UGT1A8: variants seen among roughly 807,000 people sequenced by gnomAD.
The protein encoded by UGT1A8 is UDP glucuronosyltransferase family 1 member A8.
Under a neutral mutation model 45.3 loss-of-function variants are expected in UGT1A8, and 39 were observed. The ratio of observed to expected loss-of-function variants is 0.86; its 90% confidence interval spans 0.67 to 1.12. UGT1A8 has a LOEUF of 1.12. Among genes scored for constraint, UGT1A8 ranks in the 50% most tolerant of loss-of-function variants. The probability of loss-of-function intolerance (pLI) is 0.00; values close to 1 mark genes in which losing one functional copy is unlikely to be tolerated. For synonymous variants in UGT1A8, 275 were observed against 249.2 expected, an observed-to-expected ratio of 1.10 and a Z score of -0.97; for missense variants, 719 against 664.9, an observed-to-expected ratio of 1.08 and a Z score of -0.90.
chr2:233,641,448 C>T (rs1207335018), intron 1 of UGT1A8, among the ~76,000 whole-genome samples: 1 of 152,140 alleles, frequency 6.6e-6, no homozygotes, highest in African/African-American at 2.4e-5. Flanking sequence ...TCATTTATAT[C>T]TTGTTGTACT....
At chr2:233,688,574 C>G (rs978724420) in intron 1 of UGT1A8, among the ~76,000 whole-genome samples, 1 of 152,144 alleles carries the variant, frequency 6.6e-6, no homozygotes, top group Non-Finnish European at 1.5e-5. Context: ...AACATGAGTT[C>G]ATCTTGTTTT....
At position 233,759,547 on chromosome 2, in the gene UGT1A8, A is replaced by G. The variant is rs1173613989; in HGVS notation, c.856-7487A>G. On this transcript the variant is annotated intron_variant, in intron 1 of 4. Transcript: ENST00000373450. ...GAAGACTTCTGTTCACATGCGCTCC[A>G]GTGAATTTCCCTTTCTGGTCATTCT... Among the ~76,000 whole-genome samples the G allele has an allele frequency of 8.5e-5, 13 of 152,244 alleles. No individual in the cohort carries two copies. The East Asian group carries it at 2.5e-3, about 29-fold the overall frequency.
chr2:233,712,916 G>C, intron 1 of UGT1A8: 2 of 1,611,516 alleles, frequency 1.2e-6, no homozygotes, highest in South Asian at 2.2e-5. Context: ...CAGTGACAAG[G>C]TAATTAAGAC....
chr2:233,766,415 C>T (rs1416459239), intron 1 of UGT1A8, among the ~76,000 whole-genome samples: 1 of 152,164 alleles, frequency 6.6e-6, no homozygotes, highest in Admixed American at 6.5e-5. Context: ...CTGATGTGCT[C>T]CTCCCGATGT....
chr2:233,728,928 C>T (rs545859432), intron 1 of UGT1A8, among the ~76,000 whole-genome samples: 7 of 152,102 alleles, frequency 4.6e-5, no homozygotes, highest in African/African-American at 7.2e-5. Context: ...TAGTCATGAT[C>T]GGTCTTTTCC....
chr2:233,635,814 T>A (rs2073277116), intron 1 of UGT1A8, among the ~76,000 whole-genome samples: 2 of 150,912 alleles, frequency 1.3e-5, no homozygotes, highest in Non-Finnish European at 2.9e-5. Flanking sequence ...CAGCAGAGTG[T>A]TCGCACAAGG....
chr2:233,758,598 G>T (rs1696919862), intron 1 of UGT1A8, among the ~76,000 whole-genome samples: 1 of 152,158 alleles, frequency 6.6e-6, no homozygotes, highest in Admixed American at 6.5e-5. Flanking sequence ...GTGGGGAGGA[G>T]CTTCAGTGTG....
intron 1 of UGT1A8, chr2:233,756,022 T>C (rs1696092015): frequency 6.6e-6 from 1 of 152,142 alleles, no homozygotes; most frequent in Non-Finnish European, 1.5e-5. Context: ...ATATTACACA[T>C]CCCCCATGTA....
At chr2:233,676,157 A>G (rs1030700811) in intron 1 of UGT1A8, among the ~76,000 whole-genome samples, 2 of 152,174 alleles carry the variant, frequency 1.3e-5, no homozygotes, top group African/African-American at 2.4e-5. Flanking sequence ...TCAGACTCCA[A>G]AACCATTTGT....
chr2:233,692,572 G>A lies in UGT1A8; in HGVS notation c.855+74010G>A, dbSNP rs757852696. Among the ~76,000 whole-genome samples the A allele has an allele frequency of 1.8e-4, 27 of 152,166 alleles. 1 individual carries two copies. The highest frequency in any genetic ancestry group is 3.4e-4 in the Non-Finnish European group (23 of 68,026). Reference sequence around the variant, plus strand: ...AATTGAATTGTAGGATACCCAGCTGGTGTTAGAGAATAGGTCCGTGTGCAA... The same window carrying A: ...AATTGAATTGTAGGATACCCAGCTGATGTTAGAGAATAGGTCCGTGTGCAA... On this transcript the variant is annotated intron_variant, in intron 1 of 4. Transcript: ENST00000373450.
At chr2:233,719,166 A>G (rs569258363) in intron 1 of UGT1A8, 1 of 1,614,266 alleles carries the variant, frequency 6.2e-7, no homozygotes, top group East Asian at 2.2e-5. Flanking sequence ...AAGTATGGCA[A>G]TTATGAACAA....
intron 1 of UGT1A8, among the ~76,000 whole-genome samples, chr2:233,720,072 T>C (rs1018749083): frequency 5.9e-5 from 9 of 152,264 alleles, no homozygotes; most frequent in African/African-American, 9.6e-5. Flanking sequence ...TAAATTAGAA[T>C]TGTGGACATG....
chr2:233,726,069 G>A (rs1424606442), intron 1 of UGT1A8, among the ~76,000 whole-genome samples: 2 of 152,174 alleles, frequency 1.3e-5, no homozygotes, highest in African/African-American at 4.8e-5. Context: ...AGGAGGCTGA[G>A]GCAGGAGGAT....
At chr2:233,695,250 T>C (rs1030410433) in intron 1 of UGT1A8, among the ~76,000 whole-genome samples, 1 of 151,642 alleles carries the variant, frequency 6.6e-6, no homozygotes, top group Admixed American at 6.6e-5. Flanking sequence ...CTCAGCCTCC[T>C]GAGTAGCTGG....
At chr2:233,623,793 C>G (rs1267418259) in intron 1 of UGT1A8, among the ~76,000 whole-genome samples, 1 of 152,036 alleles carries the variant, frequency 6.6e-6, no homozygotes, top group Non-Finnish European at 1.5e-5. Flanking sequence ...CAAGATCATT[C>G]AAATGGGAAA....
rs537699607 is a variant in UGT1A8, at chr2:233,703,598, C to T, written c.856-63436C>T. On this transcript the variant is annotated intron_variant, in intron 1 of 4. Coordinates refer to ENST00000373450, the MANE Select transcript of UGT1A8 (RefSeq NM_019076.5). ...GTCTATATTATCTTGCTTCATGATA[C>T]TGTGTCATTAAAAAAGTCTATTTTA... is the stretch of plus-strand genomic sequence containing the variant. Among the ~76,000 whole-genome samples the T allele has an allele frequency of 5.3e-5, 8 of 152,226 alleles. No individual in the cohort carries two copies. The East Asian group carries it at 1.5e-3, about 29-fold the overall frequency.
intron 1 of UGT1A8, among the ~76,000 whole-genome samples, chr2:233,632,985 T>C (rs2073219172): frequency 6.6e-6 from 1 of 152,234 alleles, no homozygotes; most frequent in South Asian, 2.1e-4. Flanking sequence ...AAATAACTTT[T>C]ATTATTTTGA....
chr2:233,648,942 T>G (rs1366967815), intron 1 of UGT1A8: 3 of 1,430,374 alleles, frequency 2.1e-6, no homozygotes, highest in African/African-American at 1.4e-5. Context: ...GAATGGACTT[T>G]GTTTTGGAGT....
At chr2:233,690,662 C>A (rs1369472374) in intron 1 of UGT1A8, 3 of 1,274,194 alleles carry the variant, frequency 2.4e-6, no homozygotes, top group African/African-American at 1.5e-5. Flanking sequence ...CAGCACCAAC[C>A]AGGGCAGGCC....
Sources: gnomAD v4.1 joint callset for allele counts (sites outside exome capture counted in the v4.1 genomes callset) on GRCh38, gnomAD v4.1.1 for gene constraint, MANE v1.5 for transcripts, NCBI Gene and HGNC (gene_info 2026-07-23, HGNC 2026-07-21) for gene names.